FLACC1: variants seen among roughly 807,000 people sequenced by gnomAD.
FLACC1 encodes the protein flagellum-associated coiled-coil domain-containing protein 1.
A neutral mutation model predicts 62.8 loss-of-function variants in FLACC1; 66 were observed. The observed-to-expected ratio is 1.05, with a 90% CI of 0.86 to 1.29. FLACC1 has a LOEUF of 1.29. Ranked by LOEUF, FLACC1 falls within the 50% of genes most tolerant of loss-of-function variation. The pLI is 0.00. For synonymous variants in FLACC1, 156 were observed against 161.0 expected (o/e 0.97, Z 0.24); for missense variants, 452 against 489.1 (o/e 0.92, Z 0.71).
At position 201,313,524 on chromosome 2, in the gene FLACC1, C is replaced by G. The variant is rs1027396367; in HGVS notation, c.676-4274G>C. On this transcript the variant is annotated intron_variant, in intron 9 of 14. Coordinates refer to ENST00000392257, the MANE Select transcript of FLACC1 (RefSeq NM_001127391.3). ...GAACATAATTCCATTTACCTGGGAA[C>G]CACACCTCCATCCCCACAGCAGCTG... Among the ~76,000 whole-genome samples the G allele has an allele frequency of 9.2e-5, 14 of 152,130 alleles. 1 individual carries two copies. The highest frequency in any genetic ancestry group is 4.6e-4 in the Admixed American group (7 of 15,280).
At chr2:201,361,867 C>G (rs991241789), upstream of FLACC1, among the ~76,000 whole-genome samples, 45 of 152,308 alleles carry the variant, frequency 3.0e-4, no homozygotes, top group African/African-American at 1.0e-3. Flanking sequence ...TTTTCATCAT[C>G]TCATAACACC....
chr2:201,301,953 A>G (rs1281362940), intron 11 of FLACC1, among the ~76,000 whole-genome samples: 2 of 152,204 alleles, frequency 1.3e-5, no homozygotes, highest in Non-Finnish European at 2.9e-5. Context: ...CATGGAAAGG[A>G]ACAACCGGTA....
intron 9 of FLACC1, among the ~76,000 whole-genome samples, chr2:201,311,874 A>G (rs1950223654): frequency 6.6e-6 from 1 of 152,190 alleles, no homozygotes; most frequent in Non-Finnish European, 1.5e-5. Context: ...GATAAAATCC[A>G]ACATCCCTTC....
At chr2:201,289,301 G>C in intron 14 of FLACC1, 156 bp downstream of exon 14, 4 of 636,640 alleles carry the variant, frequency 6.3e-6, no homozygotes, top group Non-Finnish European at 1.1e-5. Flanking sequence ...CTGGCTTTGT[G>C]TCACTGGCCT....
intron 9 of FLACC1, among the ~76,000 whole-genome samples, chr2:201,321,236 G>A (rs552314098): frequency 3.3e-5 from 5 of 152,186 alleles, no homozygotes; most frequent in Non-Finnish European, 5.9e-5. Flanking sequence ...CCTAGCACCA[G>A]CCTGGGGTGT....
chr2:201,344,401 A>C, intron 5 of FLACC1, 138 bp from the exon 6 acceptor site: 14 of 493,482 alleles, frequency 2.8e-5, no homozygotes, highest in East Asian at 1.6e-4. Context: ...CTCTATCATT[A>C]TGGGGTGGGG....
intron 9 of FLACC1, among the ~76,000 whole-genome samples, chr2:201,325,937 A>T (rs2125587368): frequency 6.6e-6 from 1 of 152,318 alleles, no homozygotes; most frequent in South Asian, 2.1e-4. Context: ...ACAAAATACT[A>T]GCTAACCGAC....
Position 201,288,505 on chromosome 2 carries a change from A to T in FLACC1, c.*150T>A. On this transcript the variant is annotated 3_prime_UTR_variant, in exon 15 of 15. Coordinates refer to ENST00000392257, the MANE Select transcript of FLACC1 (RefSeq NM_001127391.3). ...GATAAGCTGTGAAATTCAGATGCGA[A>T]TTCAAACATTTTCAGACATTCAGAG... 1 of 948,284 alleles carries T rather than the reference A, an allele frequency of 1.1e-6. No individual in the cohort carries two copies. The highest frequency in any genetic ancestry group is 1.5e-6 in the Non-Finnish European group (1 of 659,494). 58.7% of individuals were successfully genotyped at this position (948,284 alleles called of 1,614,324 possible).
intron 11 of FLACC1, among the ~76,000 whole-genome samples, chr2:201,303,780 C>T (rs1163859081): frequency 6.6e-6 from 1 of 152,154 alleles, no homozygotes; most frequent in Non-Finnish European, 1.5e-5. Context: ...TCAACATACG[C>T]AAATCAATAA....
chr2:201,295,483 T>C (rs1949838876), intron 12 of FLACC1, among the ~76,000 whole-genome samples: 1 of 152,166 alleles, frequency 6.6e-6, no homozygotes, highest in Non-Finnish European at 1.5e-5. Context: ...ACTGGATCCC[T>C]TCCTTACACC....
intron 9 of FLACC1, among the ~76,000 whole-genome samples, chr2:201,324,689 A>G (rs1218809920): frequency 6.6e-6 from 1 of 152,242 alleles, no homozygotes; most frequent in African/African-American, 2.4e-5. Flanking sequence ...AAAACTAAAA[A>G]TCAATTTCAA....
intron 9 of FLACC1, among the ~76,000 whole-genome samples, chr2:201,309,535 T>A (rs1316574110): frequency 6.6e-6 from 1 of 152,164 alleles, no homozygotes; most frequent in East Asian, 1.9e-4. Context: ...CTGAGCTTCC[T>A]TTGAAGAAAG....
chr2:201,348,243 C>T lies in FLACC1; in HGVS notation c.234+11G>A. On this transcript the variant is annotated intron_variant, in intron 4 of 14. Coordinates refer to ENST00000392257, the MANE Select transcript of FLACC1 (RefSeq NM_001127391.3). ...ATTTTAGTCCCACCGCCCTCTCCTG[C>T]CTTTACTCACATAAAATGATTTATT... 7 of 1,612,694 alleles carry T rather than the reference C, an allele frequency of 4.3e-6. No homozygotes were observed. Among genetic ancestry groups the T allele is most frequent in the South Asian group, 1.1e-5 (1 of 90,816 alleles).
chr2:201,288,615 G>A lies in FLACC1; in HGVS notation c.*40C>T, dbSNP rs1949643542. On this transcript the variant is annotated 3_prime_UTR_variant, in exon 15 of 15. Coordinates refer to ENST00000392257, the MANE Select transcript of FLACC1 (RefSeq NM_001127391.3). The stretch of plus-strand genomic sequence containing the variant: ...GGAGTTTCCTGGGCCTACAGAAATG[G>A]TGTGCCAACCATCTTCAACAATGCA... 3 of 1,601,348 alleles carry A rather than the reference G, an allele frequency of 1.9e-6. No individual in the cohort carries two copies.
At chr2:201,294,405 A>C (rs1003117137) in intron 12 of FLACC1, among the ~76,000 whole-genome samples, 1 of 152,222 alleles carries the variant, frequency 6.6e-6, no homozygotes, top group Non-Finnish European at 1.5e-5. Context: ...ATATAAACCG[A>C]ACCAATGACA....
chr2:201,346,639 G>A lies in FLACC1; in HGVS notation c.271C>T (p.Arg91Trp), dbSNP rs540786877. Residue 91 changes from arginine to tryptophan, a missense_variant, in exon 5 of 15, where the codon CGG becomes TGG. Physicochemically the swap from Arg to Trp is moderately radical, Grantham distance 101. Around this residue, in one of 3 missense-constraint regions of FLACC1, gnomAD observed 147 missense variants for 152.7 expected, o/e 0.96. Transcript: ENST00000392257. The surrounding 1 kb of genome is among the most constrained non-coding windows in gnomAD (Gnocchi z 4.0). Reference protein sequence around the residue: ...INVSPGYQLVRNREQISVTLG... With the variant: ...INVSPGYQLVWNREQISVTLG... ...GTGACAGAAATCTGTTCCCGATTCC[G>A]AACAAGTTGATAGCCAGGTGACACG... is the stretch of plus-strand genomic sequence containing the variant. The A allele has an allele frequency of 1.9e-5, 31 of 1,614,172 alleles. No homozygotes were observed. The highest frequency in any genetic ancestry group is 1.3e-4 in the African/African-American group (10 of 75,038).
chr2:201,348,350 G>A, intron 3 of FLACC1, 48 bp from the exon 4 acceptor site: 1 of 1,597,638 alleles, frequency 6.3e-7, no homozygotes, highest in East Asian at 2.2e-5. Flanking sequence ...GCAAAGAGAA[G>A]TTCAAAGCTT....
intron 12 of FLACC1, among the ~76,000 whole-genome samples, chr2:201,294,716 A>G (rs973829012): frequency 6.6e-6 from 1 of 152,200 alleles, no homozygotes; most frequent in Non-Finnish European, 1.5e-5. Context: ...CAATTAGGAA[A>G]AGAGGAAGTC....
At position 201,326,506 on chromosome 2, in the gene FLACC1, G is replaced by A. The variant is rs1269628560; in HGVS notation, c.675+3964C>T. ...CAAAATCAGTGTACACATATCAGTAGCACTGCTATACGCTAACAACGACCA... is the reference window on the plus strand; with the variant it reads ...CAAAATCAGTGTACACATATCAGTAACACTGCTATACGCTAACAACGACCA... On this transcript the variant is annotated intron_variant, in intron 9 of 14. Transcript: ENST00000392257. The surrounding 1 kb of genome is among the most constrained non-coding windows in gnomAD (Gnocchi z 4.1). Among the ~76,000 whole-genome samples the A allele has an allele frequency of 6.6e-6, 1 of 152,126 alleles. No individual in the cohort carries two copies. The highest frequency in any genetic ancestry group is 1.5e-5 in the Non-Finnish European group (1 of 68,028).
Sources: allele counts gnomAD v4.1 joint callset (sites outside exome capture counted in the v4.1 genomes callset), GRCh38; gene constraint gnomAD v4.1.1; regional missense constraint gnomAD v4.1.1; non-coding constraint Gnocchi (gnomAD v3.1); transcripts MANE v1.5; gene names NCBI Gene and HGNC (gene_info 2026-07-23, HGNC 2026-07-21).